ADAMTS18: variants seen among roughly 807,000 people sequenced by gnomAD.
ADAMTS18 encodes the protein ADAM metallopeptidase with thrombospondin type 1 motif 18, also known as A disintegrin and metalloproteinase with thrombospondin motifs 18.
ADAMTS18 carries 157 observed loss-of-function variants against 165.9 expected under a neutral mutation model. The ratio of observed to expected loss-of-function variants is 0.95; its 90% CI spans 0.83 to 1.08. The LOEUF (loss-of-function observed/expected upper bound fraction) is 1.08. Among genes scored for constraint, ADAMTS18 ranks in the 50% least tolerant of loss-of-function variants. The pLI, the probability that ADAMTS18 is intolerant of heterozygous loss-of-function variation, is 0.00. For synonymous variants in ADAMTS18, 782 were observed against 578.2 expected, an observed-to-expected ratio of 1.35 and a Z score of -5.06; for missense variants, 2,040 against 1,534.0, an observed-to-expected ratio of 1.33 and a Z score of -5.51.
intron 10 of ADAMTS18, among the ~76,000 whole-genome samples, chr16:77,350,782 G>A (rs942115993): frequency 5.9e-5 from 9 of 152,090 alleles, no homozygotes; most frequent in African/African-American, 2.2e-4. Flanking sequence ...TTAGGCCTGG[G>A]ACGAGACATT....
intron 3 of ADAMTS18, among the ~76,000 whole-genome samples, chr16:77,429,501 G>T (rs962292150): frequency 1.3e-5 from 2 of 152,078 alleles, no homozygotes; most frequent in Admixed American, 1.3e-4. Flanking sequence ...TTAATATCTG[G>T]GTGATGAAAT....
chr16:77,325,578 T>C (rs1270050626), intron 13 of ADAMTS18, among the ~76,000 whole-genome samples: 2 of 151,876 alleles, frequency 1.3e-5, no homozygotes, highest in African/African-American at 2.4e-5. Context: ...GGAGACTTAA[T>C]TGCCAAAATG....
At chr16:77,293,310 A>T in intron 19 of ADAMTS18, 52 bp from the exon 20 acceptor site, 1 of 1,443,150 alleles carries the variant, frequency 6.9e-7, no homozygotes. Flanking sequence ...TTCAGTAGCC[A>T]CATTAAAAAA....
At chr16:77,355,154 T>G (rs2144716872) in intron 9 of ADAMTS18, among the ~76,000 whole-genome samples, 1 of 152,054 alleles carries the variant, frequency 6.6e-6, no homozygotes, top group East Asian at 1.9e-4. Context: ...AGATATGGGA[T>G]TAGCATCTAA....
chr16:77,335,094 T>C (rs1297182205), intron 12 of ADAMTS18, among the ~76,000 whole-genome samples: 2 of 148,416 alleles, frequency 1.3e-5, no homozygotes, highest in African/African-American at 4.9e-5. Context: ...GTATTCAGCC[T>C]ATTATGATAG....
intron 21 of ADAMTS18, among the ~76,000 whole-genome samples, chr16:77,290,123 T>TTCTG (rs1477287431): frequency 6.6e-6 from 1 of 152,238 alleles, no homozygotes; most frequent in African/African-American, 2.4e-5. Flanking sequence ...TGACTGTAGT[T>TTCTG]TCTGTCTCAA....
chr16:77,386,276 T>G (rs1369777400), intron 3 of ADAMTS18, among the ~76,000 whole-genome samples: 1 of 152,168 alleles, frequency 6.6e-6, no homozygotes, highest in Non-Finnish European at 1.5e-5. Flanking sequence ...CCACCAGGCT[T>G]AAAGATGCAA....
intron 3 of ADAMTS18, among the ~76,000 whole-genome samples, chr16:77,396,975 T>G (rs2057266024): frequency 3.3e-5 from 5 of 151,902 alleles, no homozygotes; most frequent in African/African-American, 1.2e-4. Context: ...CCTGGCTAAT[T>G]TTTTTGTATT....
rs116028904 is a variant in ADAMTS18, at chr16:77,433,052, T to C, written c.178+1366A>G. Among the ~76,000 whole-genome samples, 1,402 of 152,318 alleles carry C rather than the reference T, an allele frequency of 9.2e-3. 26 individuals are homozygous for C. Among genetic ancestry groups the C allele is most frequent in the African/African-American group, 0.032 (1,312 of 41,576 alleles). On this transcript the variant is annotated intron_variant, in intron 2 of 22. Transcript: ENST00000282849. ...TGGGGGGAAAAGTTTTTCCCCTCTCTTAACCTTGAAAATCTGAGCCAGACA... is the reference window on the plus strand; with the variant it reads ...TGGGGGGAAAAGTTTTTCCCCTCTCCTAACCTTGAAAATCTGAGCCAGACA...
intron 3 of ADAMTS18, among the ~76,000 whole-genome samples, chr16:77,400,464 GTGTGTGTGTGTGTGTGTTTTGTTT>G (rs1284319276): frequency 7.7e-6 from 1 of 130,502 alleles, no homozygotes; most frequent in African/African-American, 2.7e-5. Flanking sequence ...GTCTGTGTGT[GTGTGTGTGTGTGTGTGTTTTGTTT>G]TTTTTTTTTT....
intron 10 of ADAMTS18, among the ~76,000 whole-genome samples, chr16:77,344,155 G>GTGTA (rs369058375): frequency 2.8e-4 from 39 of 140,258 alleles, no homozygotes; most frequent in African/African-American, 6.4e-4. Context: ...ATGTGTGTGT[G>GTGTA]TATATATATA....
intron 3 of ADAMTS18, among the ~76,000 whole-genome samples, chr16:77,393,589 G>T (rs2057218592): frequency 6.6e-6 from 1 of 152,152 alleles, no homozygotes; most frequent in South Asian, 2.1e-4. Flanking sequence ...GTCCCAGAGA[G>T]CTGCCTTGCT....
intron 3 of ADAMTS18, among the ~76,000 whole-genome samples, chr16:77,420,097 A>G (rs1293936197): frequency 3.4e-5 from 5 of 147,946 alleles, no homozygotes; most frequent in Non-Finnish European, 7.4e-5. Context: ...TTTTTCTTCC[A>G]TCTCCACTTT....
chr16:77,288,882 C>T (rs892964308), intron 22 of ADAMTS18, among the ~76,000 whole-genome samples: 8 of 152,096 alleles, frequency 5.3e-5, no homozygotes, highest in South Asian at 4.2e-4. Context: ...GCCAGGAGTT[C>T]GAGATCAGCC....
At chr16:77,400,543 G>A (rs1364751881) in intron 3 of ADAMTS18, among the ~76,000 whole-genome samples, 1 of 150,298 alleles carries the variant, frequency 6.7e-6, no homozygotes, top group Non-Finnish European at 1.5e-5. Context: ...GCGCAGTGGT[G>A]CAATCTCAGC....
intron 3 of ADAMTS18, among the ~76,000 whole-genome samples, chr16:77,412,781 C>T (rs971260685): frequency 1.3e-5 from 2 of 152,124 alleles, no homozygotes; most frequent in African/African-American, 4.8e-5. Context: ...AAAATGCCCC[C>T]ATGATTCAAT....
intron 7 of ADAMTS18, 55 bp from the exon 8 acceptor site, chr16:77,359,478 G>A: frequency 1.4e-6 from 2 of 1,436,370 alleles, no homozygotes; most frequent in South Asian, 2.4e-5. Flanking sequence ...ACAGATACAT[G>A]ATGATGATTT....
At chr16:77,374,554 T>C (rs544202358) in intron 3 of ADAMTS18, among the ~76,000 whole-genome samples, 6 of 151,970 alleles carry the variant, frequency 3.9e-5, no homozygotes, top group East Asian at 3.9e-4. Flanking sequence ...CCTCACAGAA[T>C]AGAAGGAAAA....
At chr16:77,321,810 A>T (rs2056003656) in intron 14 of ADAMTS18, among the ~76,000 whole-genome samples, 2 of 152,198 alleles carry the variant, frequency 1.3e-5, no homozygotes, top group Admixed American at 1.3e-4. Context: ...AGAGTAAAAA[A>T]TAAACTAAAA....
Sources: gnomAD v4.1 joint callset for allele counts (sites outside exome capture counted in the v4.1 genomes callset) on GRCh38, gnomAD v4.1.1 for gene constraint, MANE v1.5 for transcripts, NCBI Gene and HGNC (gene_info 2026-07-23, HGNC 2026-07-21) for gene names.